The following MALRD1 variants were observed in gnomAD, a reference collection of about 807,000 sequenced individuals.
The protein encoded by MALRD1 is MAM and LDL-receptor class A domain-containing protein 1.
A neutral mutation model predicts 242.1 loss-of-function variants in MALRD1; 247 were observed. The observed-to-expected ratio is 1.02, with a 90% CI of 0.92 to 1.13. The LOEUF (loss-of-function observed/expected upper bound fraction) is 1.13. Ranked by LOEUF, MALRD1 falls within the 50% of genes most tolerant of loss-of-function variation. The pLI, the probability that MALRD1 is intolerant of heterozygous loss-of-function variation, is 0.00. For synonymous variants in MALRD1, 995 were observed against 866.6 expected, an observed-to-expected ratio of 1.15 and a Z score of -2.60; for missense variants, 2,989 against 2,533.1, an observed-to-expected ratio of 1.18 and a Z score of -3.86.
At chr10:19,506,649 T>C (rs1381382737) in intron 31 of MALRD1, among the ~76,000 whole-genome samples, 2 of 152,134 alleles carry the variant, frequency 1.3e-5, no homozygotes, top group Admixed American at 1.3e-4. Flanking sequence ...TAAGTAAATA[T>C]TTACATAAAA....
At position 19,424,033 on chromosome 10, in the gene MALRD1, CAG is replaced by C. The variant is rs1224581175; in HGVS notation, c.4846-26272_4846-26271del. Reference sequence around the variant, plus strand: ...ATAGCATCTATAGTCGAAAATAAAACAGAAAAAAAGACTCAATTTGTTTTGAG... The same window carrying C: ...ATAGCATCTATAGTCGAAAATAAAACAAAAAAAGACTCAATTTGTTTTGAG... On this transcript the variant is annotated intron_variant, in intron 28 of 39. Transcript: ENST00000454679. 2.6e-5 allele frequency among the ~76,000 whole-genome samples: 4 copies of C among 151,948 alleles called. No individual in the cohort carries two copies. In the East Asian group the frequency reaches 7.7e-4, roughly 29 times the overall value.
intron 28 of MALRD1, among the ~76,000 whole-genome samples, chr10:19,414,620 A>T (rs970899900): frequency 6.6e-6 from 1 of 152,190 alleles, no homozygotes; most frequent in Admixed American, 6.5e-5. Flanking sequence ...TTTGGTAGTT[A>T]TTCTCAGAAA....
At chr10:19,543,429 ATTTCT>A (rs1835069273) in intron 32 of MALRD1, among the ~76,000 whole-genome samples, 1 of 43,874 alleles carries the variant, frequency 2.3e-5, no homozygotes, top group Non-Finnish European at 5.1e-5. Flanking sequence ...TGCCCAGCTG[ATTTCT>A]TTTTTTTTTT....
At chr10:19,589,438 G>T (rs1371874766) in intron 33 of MALRD1, among the ~76,000 whole-genome samples, 1 of 152,122 alleles carries the variant, frequency 6.6e-6, no homozygotes, top group Admixed American at 6.5e-5. Context: ...GAATAAATCA[G>T]TTGCAAACAA....
intron 24 of MALRD1, among the ~76,000 whole-genome samples, chr10:19,346,225 T>G (rs748396063): frequency 3.9e-5 from 6 of 152,190 alleles, no homozygotes; most frequent in Admixed American, 3.9e-4. Flanking sequence ...CTCACTGATT[T>G]GATGCCAAGT....
intron 26 of MALRD1, among the ~76,000 whole-genome samples, chr10:19,384,968 A>T (rs1846017443): frequency 6.6e-6 from 1 of 151,682 alleles, no homozygotes; most frequent in African/African-American, 2.4e-5. Flanking sequence ...AGATTTTATT[A>T]TGAAATGGTG....
At chr10:19,178,656 T>C (rs1169777883) in intron 14 of MALRD1, among the ~76,000 whole-genome samples, 1 of 152,218 alleles carries the variant, frequency 6.6e-6, no homozygotes, top group African/African-American at 2.4e-5. Context: ...AAAGCTAGTG[T>C]TGATGAAATA....
At chr10:19,118,789 G>A (rs1836963509) in intron 5 of MALRD1, among the ~76,000 whole-genome samples, 1 of 152,140 alleles carries the variant, frequency 6.6e-6, no homozygotes, top group Non-Finnish European at 1.5e-5. Flanking sequence ...TTGGGGCTTA[G>A]GATTTAATTT....
chr10:19,097,976 C>G (rs1836105807), intron 4 of MALRD1, among the ~76,000 whole-genome samples: 6 of 152,118 alleles, frequency 3.9e-5, no homozygotes, highest in Middle Eastern at 3.4e-3. Context: ...TCGGGAACAC[C>G]CTGCTCTGTC....
In MALRD1 at chr10:19,387,657, A is replaced by G. The variant is rs78937203; in HGVS notation, c.4571A>G (p.Glu1524Gly). The G allele has an allele frequency of 2.6e-6, 4 of 1,550,394 alleles. No individual in the cohort carries two copies. The highest frequency in any genetic ancestry group is 3.5e-6 in the Non-Finnish European group (4 of 1,146,852). Residue 1524 changes from glutamate to glycine, a missense_variant, in exon 27 of 40, where the codon GAA (glutamate) becomes GGA (glycine). Coordinates refer to ENST00000454679, the MANE Select transcript of MALRD1 (RefSeq NM_001142308.3). Reference sequence around the variant, plus strand: ...GAGTGTGGTAGCTCCTGTACTTTTGAAAAAGGCTGGTGTGGCTGGCAAAAC... The same window carrying G: ...GAGTGTGGTAGCTCCTGTACTTTTGGAAAAGGCTGGTGTGGCTGGCAAAAC... The part of the protein sequence containing the change: ...ENECGSSCTF[E>G]KGWCGWQNSQ...
intron 36 of MALRD1, among the ~76,000 whole-genome samples, chr10:19,632,886 C>A (rs769673162): frequency 6.6e-6 from 1 of 152,058 alleles, no homozygotes; most frequent in Non-Finnish European, 1.5e-5. Context: ...TTTTTTAGAA[C>A]TTTTGTGCTC....
intron 32 of MALRD1, among the ~76,000 whole-genome samples, chr10:19,544,408 G>A (rs1213359522): frequency 1.3e-5 from 2 of 151,852 alleles, no homozygotes; most frequent in East Asian, 1.9e-4. Context: ...GGCTGGTCTC[G>A]AACTCCTGAC....
chr10:19,110,721 A>G (rs1405548908), intron 5 of MALRD1, among the ~76,000 whole-genome samples: 1 of 152,114 alleles, frequency 6.6e-6, no homozygotes, highest in East Asian at 1.9e-4. Context: ...GCTTAGTTTT[A>G]ATGAGACATC....
intron 36 of MALRD1, among the ~76,000 whole-genome samples, chr10:19,670,657 C>T (rs1461819491): frequency 6.6e-6 from 1 of 152,208 alleles, no homozygotes; most frequent in East Asian, 1.9e-4. Context: ...GGTCCTCACA[C>T]TGGCACTACA....
intron 29 of MALRD1, among the ~76,000 whole-genome samples, chr10:19,481,117 A>C (rs1398707875): frequency 6.6e-6 from 1 of 152,056 alleles, no homozygotes; most frequent in East Asian, 1.9e-4. Flanking sequence ...TTCAGGAAAT[A>C]CTCCTTTCAG....
chr10:19,303,506 A>C (rs1368387355), intron 21 of MALRD1, among the ~76,000 whole-genome samples: 1 of 151,748 alleles, frequency 6.6e-6, no homozygotes, highest in African/African-American at 2.4e-5. Context: ...AATACATAGA[A>C]TTAATGCGAT....
chr10:19,335,768 C>T (rs1188691390), intron 24 of MALRD1, among the ~76,000 whole-genome samples: 1 of 152,046 alleles, frequency 6.6e-6, no homozygotes, highest in Non-Finnish European at 1.5e-5. Flanking sequence ...AAGAAATCAA[C>T]TCTTTCTAAA....
chr10:19,233,880 A>G (rs1268434940), intron 18 of MALRD1, among the ~76,000 whole-genome samples: 2 of 151,832 alleles, frequency 1.3e-5, no homozygotes, highest in South Asian at 2.1e-4. Flanking sequence ...TTGCATTTGT[A>G]TAAGGTTTCC....
rs546984363 is a variant in MALRD1 at position 19,185,564 on chromosome 10, C to T, written c.1951+10236C>T. Among the ~76,000 whole-genome samples the T allele has an allele frequency of 7.9e-5, 12 of 152,128 alleles. No individual in the cohort carries two copies. In the South Asian group the frequency reaches 2.5e-3, roughly 32 times the overall value. ...ATGCTGGTTATATATTTTCCTCAAACTAGTATATCTGCTAAATACAGAAAT... is the reference window on the plus strand; with the variant it reads ...ATGCTGGTTATATATTTTCCTCAAATTAGTATATCTGCTAAATACAGAAAT... On this transcript the variant is annotated intron_variant, in intron 14 of 39. Transcript: ENST00000454679.
Sources: allele counts gnomAD v4.1 joint callset (sites outside exome capture counted in the v4.1 genomes callset), GRCh38; gene constraint gnomAD v4.1.1; transcripts MANE v1.5; gene names NCBI Gene and HGNC (gene_info 2026-07-23, HGNC 2026-07-21).